JAZF1: variants seen among roughly 807,000 people sequenced by gnomAD.
JAZF1 encodes the protein JAZF zinc finger 1.
JAZF1 carries 8 observed loss-of-function variants against 26.4 expected under a neutral mutation model. The observed-to-expected ratio is 0.30, with a 90% confidence interval of 0.18 to 0.55. The LOEUF (loss-of-function observed/expected upper bound fraction) is 0.55, where lower values mean the gene tolerates loss of function less well. Ranked by LOEUF, JAZF1 falls within the 20% of genes least tolerant of loss-of-function variation. The probability of loss-of-function intolerance (pLI) is 0.94; values close to 1 mark genes in which losing one functional copy is unlikely to be tolerated. For synonymous variants in JAZF1, 126 were observed against 122.3 expected (o/e 1.03, Z -0.20); for missense variants, 199 against 322.0 (o/e 0.62, Z 2.92).
At chr7:28,166,382 G>GT (rs1345091915) in intron 1 of JAZF1, among the ~76,000 whole-genome samples, 1 of 152,198 alleles carries the variant, frequency 6.6e-6, no homozygotes, top group African/African-American at 2.4e-5. Flanking sequence ...GTTTAAGTCT[G>GT]TAACATTTCA....
chr7:28,129,420 A>G (rs967244932), intron 1 of JAZF1, among the ~76,000 whole-genome samples: 1 of 152,138 alleles, frequency 6.6e-6, no homozygotes, highest in Admixed American at 6.6e-5. Context: ...CTGGGGCCCG[A>G]ACATTGTTGA....
chr7:27,872,420 A>C (rs1413631488), intron 3 of JAZF1, among the ~76,000 whole-genome samples: 1 of 152,230 alleles, frequency 6.6e-6, no homozygotes, highest in Admixed American at 6.5e-5. Context: ...CTTTTTCTGC[A>C]AATTAACTTA....
At chr7:27,849,971 A>G (rs574667742) in intron 3 of JAZF1, among the ~76,000 whole-genome samples, 31 of 150,318 alleles carry the variant, frequency 2.1e-4, no homozygotes, top group Non-Finnish European at 4.3e-4. Context: ...CTGTTTTACT[A>G]CCTAAAGAGT....
intron 1 of JAZF1, chr7:28,071,596 T>C: frequency 2.1e-6 from 1 of 471,838 alleles, no homozygotes; most frequent in Non-Finnish European, 4.4e-6. Context: ...CTGCCAAGAT[T>C]TCAGTGAAAC....
intron 1 of JAZF1, among the ~76,000 whole-genome samples, chr7:28,090,686 G>T (rs1784279663): frequency 1.3e-5 from 2 of 152,122 alleles, no homozygotes; most frequent in Admixed American, 1.3e-4. Context: ...AAGGCCATAG[G>T]CTAGTAATTA....
intron 1 of JAZF1, among the ~76,000 whole-genome samples, chr7:28,060,919 C>G (rs17156314): frequency 0.33 from 50,185 of 151,980 alleles, 10,269 homozygotes; most frequent in African/African-American, 0.57. Flanking sequence ...TGTCTTGTCA[C>G]ATTGGCAGTA....
At chr7:28,063,123 T>G (rs74299597) in intron 1 of JAZF1, among the ~76,000 whole-genome samples, 9,989 of 152,226 alleles carry the variant, frequency 0.066, 782 homozygotes, top group East Asian at 0.28. Flanking sequence ...AATTAATTAT[T>G]TCTTCCTCTT....
chr7:27,836,466 CTTACCTGTATGGGATCTTTGTTG>C (rs977793156), intron 4 of JAZF1, among the ~76,000 whole-genome samples: 1 of 152,180 alleles, frequency 6.6e-6, no homozygotes, highest in Non-Finnish European at 1.5e-5. Flanking sequence ...CCATCCTGTC[CTTACCTGTATGGGATCTTTGTTG>C]TCAGTACTCA....
chr7:28,180,703 A>T lies in JAZF1; in HGVS notation c.-126T>A, dbSNP rs1478530412. ...AGGGGGAGAGAGGCGGGGTGAGGGG[A>T]GCGGCGAGGACGGGACGGAGGGAGA... On this transcript the variant is annotated 5_prime_UTR_variant, in exon 1 of 5. Coordinates refer to ENST00000283928, the MANE Select transcript of JAZF1 (RefSeq NM_175061.4). 3 of 559,476 alleles carry T rather than the reference A, an allele frequency of 5.4e-6. No homozygotes were observed. The highest frequency in any genetic ancestry group is 6.3e-6 in the Non-Finnish European group (2 of 316,746). The allele number at this position is 559,476 out of a possible 1,614,324, so 34.7% of individuals were successfully genotyped here.
At chr7:27,999,257 T>G (rs1583500823) in intron 1 of JAZF1, among the ~76,000 whole-genome samples, 1 of 152,168 alleles carries the variant, frequency 6.6e-6, no homozygotes, top group Non-Finnish European at 1.5e-5. Context: ...CCAAGTTAAT[T>G]TGTGTGCACA....
intron 2 of JAZF1, among the ~76,000 whole-genome samples, chr7:27,954,041 T>C (rs1321410182): frequency 6.6e-6 from 1 of 152,208 alleles, no homozygotes; most frequent in African/African-American, 2.4e-5. Context: ...GGTGAGCTCA[T>C]TAATCCCTCA....
intron 2 of JAZF1, among the ~76,000 whole-genome samples, chr7:27,917,529 G>T (rs993350967): frequency 6.6e-6 from 1 of 152,164 alleles, no homozygotes; most frequent in Non-Finnish European, 1.5e-5. Flanking sequence ...TGAGAACCAC[G>T]GAGTTTAGAC....
chr7:27,952,416 G>A (rs1400332377), intron 2 of JAZF1, among the ~76,000 whole-genome samples: 1 of 152,214 alleles, frequency 6.6e-6, no homozygotes, highest in East Asian at 1.9e-4. Flanking sequence ...ATGTCAATAG[G>A]GGACCTTTCC....
At chr7:28,114,731 G>A (rs1252342197) in intron 1 of JAZF1, among the ~76,000 whole-genome samples, 4 of 151,488 alleles carry the variant, frequency 2.6e-5, no homozygotes, top group Non-Finnish European at 5.9e-5. Context: ...CCTTTCAGGG[G>A]ACAACCGTGG....
intron 2 of JAZF1, among the ~76,000 whole-genome samples, chr7:27,986,646 C>CCCCTCTCCCT (rs1267330154): frequency 2.3e-5 from 2 of 87,168 alleles, no homozygotes; most frequent in Non-Finnish European, 4.7e-5. Context: ...CCTCCCCCTC[C>CCCCTCTCCCT]CCCTCTCCCT....
At chr7:28,051,010 T>C (rs1344870841) in intron 1 of JAZF1, among the ~76,000 whole-genome samples, 1 of 151,108 alleles carries the variant, frequency 6.6e-6, no homozygotes, top group Admixed American at 6.6e-5. Flanking sequence ...TGTGCACCTG[T>C]AATCCCAGTT....
At chr7:27,861,278 C>T (rs774680838) in intron 3 of JAZF1, among the ~76,000 whole-genome samples, 5 of 152,140 alleles carry the variant, frequency 3.3e-5, no homozygotes, top group East Asian at 1.9e-4. Flanking sequence ...TGGAAACTCA[C>T]GCCCTTCAGT....
intron 1 of JAZF1, among the ~76,000 whole-genome samples, chr7:28,046,031 C>T (rs10282440): frequency 0.023 from 3,567 of 152,280 alleles, 147 homozygotes; most frequent in African/African-American, 0.081. Flanking sequence ...CACTACACCT[C>T]CCTAGGTTAA....
At position 27,922,675 on chromosome 7, in the gene JAZF1, T is replaced by C. The variant is rs189723513; in HGVS notation, c.189-27259A>G. Among the ~76,000 whole-genome samples, 222 of 80,214 alleles carry C rather than the reference T, an allele frequency of 2.8e-3. 1 individual carries two copies. Among genetic ancestry groups the C allele is most frequent in the African/African-American group, 7.0e-3 (200 of 28,544 alleles). The allele number at this position is 80,214 out of a possible 152,430, so 52.6% of individuals were successfully genotyped here. ...AGTACTAACAGCTTTTAATAATGGG[T>C]TTTTTTTTGCATAATAGTCAAGAGA... On this transcript the variant is annotated intron_variant, in intron 2 of 4. Coordinates refer to ENST00000283928, the MANE Select transcript of JAZF1 (RefSeq NM_175061.4).
Sources: allele counts gnomAD v4.1 joint callset (sites outside exome capture counted in the v4.1 genomes callset), GRCh38; gene constraint gnomAD v4.1.1; transcripts MANE v1.5; gene names NCBI Gene and HGNC (gene_info 2026-07-23, HGNC 2026-07-21).